Variants in FRAS1 observed in about 807,000 individuals in gnomAD.
The protein encoded by FRAS1 is extracellular matrix organizing protein FRAS1.
Under a neutral mutation model 435.2 loss-of-function variants are expected in FRAS1, and 290 were observed. That is an observed-to-expected ratio of 0.67 (90% CI 0.61 to 0.73). The LOEUF is 0.73. FRAS1 is among the 30% of genes least tolerant of loss of function. FRAS1 has a pLI of 0.00. For missense variants in FRAS1, 4,860 were observed against 5,001.5 expected, an observed-to-expected ratio of 0.97 and a Z score of 0.85; for synonymous variants, 1,800 against 1,851.0, an observed-to-expected ratio of 0.97 and a Z score of 0.71.
intron 6 of FRAS1, among the ~76,000 whole-genome samples, chr4:78,257,963 G>C (rs543798161): frequency 1.3e-5 from 2 of 152,122 alleles, no homozygotes; most frequent in South Asian, 4.1e-4. Context: ...GAGAGTTCTT[G>C]AGAGATTTTT....
intron 2 of FRAS1, among the ~76,000 whole-genome samples, chr4:78,230,466 T>C (rs1373320091): frequency 6.8e-6 from 1 of 146,786 alleles, no homozygotes; most frequent in Admixed American, 6.7e-5. Flanking sequence ...AGAAAAGGTA[T>C]TGTTTATCTA....
At chr4:78,314,489 G>A (rs535330716) in intron 15 of FRAS1, among the ~76,000 whole-genome samples, 20 of 152,116 alleles carry the variant, frequency 1.3e-4, no homozygotes, top group African/African-American at 4.8e-4. Flanking sequence ...CTTCCAATGC[G>A]GTTTCCAACT....
chr4:78,162,449 T>C (rs922580595), intron 2 of FRAS1, among the ~76,000 whole-genome samples: 1 of 152,204 alleles, frequency 6.6e-6, no homozygotes, highest in East Asian at 1.9e-4. Context: ...ACTGCAGGAC[T>C]CCCACATTGC....
At chr4:78,277,784 G>A (rs1727127747) in intron 9 of FRAS1, among the ~76,000 whole-genome samples, 1 of 152,008 alleles carries the variant, frequency 6.6e-6, no homozygotes, top group Non-Finnish European at 1.5e-5. Context: ...TGCAAACGTG[G>A]CAGGGTAGAT....
At chr4:78,198,945 A>G (rs1722938397) in intron 2 of FRAS1, among the ~76,000 whole-genome samples, 1 of 152,252 alleles carries the variant, frequency 6.6e-6, no homozygotes, top group Admixed American at 6.5e-5. Context: ...TGTTTATATT[A>G]TCAGTAAGAT....
intron 29 of FRAS1, among the ~76,000 whole-genome samples, chr4:78,391,947 A>T (rs1212484834): frequency 2.0e-5 from 3 of 152,138 alleles, no homozygotes; most frequent in Non-Finnish European, 4.4e-5. Flanking sequence ...AGCCTATATC[A>T]TAAATAACTA....
chr4:78,533,154 T>C (rs1721774031), intron 70 of FRAS1, among the ~76,000 whole-genome samples: 1 of 152,262 alleles, frequency 6.6e-6, no homozygotes, highest in South Asian at 2.1e-4. Context: ...TTTCTCTGCC[T>C]AATTGTTCTC....
intron 65 of FRAS1, among the ~76,000 whole-genome samples, chr4:78,514,382 T>C (rs1444706199): frequency 6.6e-6 from 1 of 152,248 alleles, no homozygotes; most frequent in East Asian, 1.9e-4. Context: ...CAAGTGCACA[T>C]TAAATGCATA....
intron 14 of FRAS1, among the ~76,000 whole-genome samples, chr4:78,301,494 T>C (rs1728391274): frequency 6.7e-6 from 1 of 150,272 alleles, no homozygotes; most frequent in African/African-American, 2.5e-5. Flanking sequence ...TTAAGACACA[T>C]GTGTAGGACA....
intron 59 of FRAS1, among the ~76,000 whole-genome samples, chr4:78,492,145 A>C (rs1194573771): frequency 6.6e-6 from 1 of 152,252 alleles, no homozygotes; most frequent in African/African-American, 2.4e-5. Context: ...CAAGGAAATA[A>C]GAGAGGACAC....
Position 78,464,169 on chromosome 4 carries a change from C to T in FRAS1, c.6888+24C>T, listed in dbSNP as rs772011318. The T allele has an allele frequency of 1.1e-5, 18 of 1,593,466 alleles. No homozygotes were observed. The East Asian group carries it at 4.0e-4, about 36-fold the overall frequency. ...AGGTAGGTGAGGCACTGAACTCCAT[C>T]CTTGAAAAGTATTGATTCCTCGCCA... On this transcript the variant is annotated intron_variant, in intron 48 of 73. Transcript: ENST00000512123.
chr4:78,527,222 G>A (rs1560426949), intron 70 of FRAS1, among the ~76,000 whole-genome samples: 1 of 152,116 alleles, frequency 6.6e-6, no homozygotes, highest in Non-Finnish European at 1.5e-5. Flanking sequence ...TTCATTATTT[G>A]TGGAGACTTT....
intron 12 of FRAS1, 122 bp from the exon 13 acceptor site, chr4:78,284,283 C>A: frequency 9.8e-6 from 5 of 512,344 alleles, no homozygotes; most frequent in East Asian, 6.5e-5. Context: ...CTAAGTCCCA[C>A]AGTTTTCTGT....
chr4:78,495,428 T>A (rs990841989), intron 59 of FRAS1, among the ~76,000 whole-genome samples: 1 of 152,174 alleles, frequency 6.6e-6, no homozygotes, highest in African/African-American at 2.4e-5. Context: ...TGTTCATCTT[T>A]ACTACAAAAA....
chr4:78,215,914 G>C (rs757625519), intron 2 of FRAS1, among the ~76,000 whole-genome samples: 4 of 152,156 alleles, frequency 2.6e-5, no homozygotes, highest in Non-Finnish European at 5.9e-5. Flanking sequence ...CTATGAATGT[G>C]GGTGTGCATA....
rs1339563577 is a variant in FRAS1 at position 78,534,567 on chromosome 4, T to A, written c.11044T>A (p.Ser3682Thr). The A allele has an allele frequency of 2.5e-6, 4 of 1,613,548 alleles. No individual in the cohort carries two copies. Among genetic ancestry groups the A allele is most frequent in the Non-Finnish European group, 3.4e-6 (4 of 1,179,584 alleles). Residue 3682 changes from serine to threonine, a missense_variant, in exon 71 of 74, where the codon TCT (serine) becomes ACT (threonine). By Grantham distance (58) the Ser-to-Thr change is moderately conservative. Coordinates refer to ENST00000512123, the MANE Select transcript of FRAS1 (RefSeq NM_025074.7). ...GGTGTTCCTAATGGATCCCAATACATCTGATATGTCACTAGCAGAAATGGA... is the reference window on the plus strand; with the variant it reads ...GGTGTTCCTAATGGATCCCAATACAACTGATATGTCACTAGCAGAAATGGA... ...EKVFLMDPNTSDMSLAEMDYK... is the reference protein window; with the variant it reads ...EKVFLMDPNTTDMSLAEMDYK...
At chr4:78,245,394 A>T in intron 4 of FRAS1, 69 bp downstream of exon 4, 1 of 1,125,760 alleles carries the variant, frequency 8.9e-7, no homozygotes, top group Non-Finnish European at 1.3e-6. Flanking sequence ...GCTGAATGTT[A>T]AACTTGTGTT....
intron 66 of FRAS1, among the ~76,000 whole-genome samples, chr4:78,518,021 G>A (rs1242293238): frequency 6.6e-6 from 1 of 152,090 alleles, no homozygotes; most frequent in East Asian, 1.9e-4. Context: ...GGAGGCTGAG[G>A]CTGGAGGATC....
chr4:78,369,620 G>C (rs1167317372), intron 22 of FRAS1, among the ~76,000 whole-genome samples: 1 of 145,714 alleles, frequency 6.9e-6, no homozygotes, highest in Non-Finnish European at 1.5e-5. Flanking sequence ...TATTGGGTTT[G>C]CACTTTATAT....
Sources: gnomAD v4.1 joint callset for allele counts (sites outside exome capture counted in the v4.1 genomes callset) on GRCh38, gnomAD v4.1.1 for gene constraint, MANE v1.5 for transcripts, NCBI Gene and HGNC (gene_info 2026-07-23, HGNC 2026-07-21) for gene names.